ITGB3BP: variants seen among roughly 807,000 people sequenced by gnomAD.
The protein encoded by ITGB3BP is integrin subunit beta 3 binding protein.
Under a neutral mutation model 29.1 loss-of-function variants are expected in ITGB3BP, and 27 were observed. The ratio of observed to expected loss-of-function variants is 0.93; its 90% confidence interval spans 0.68 to 1.28. The LOEUF (loss-of-function observed/expected upper bound fraction) is 1.28, where lower values mean the gene tolerates loss of function less well. Ranked by LOEUF, ITGB3BP falls within the 50% of genes most tolerant of loss-of-function variation. The pLI is 0.00. For synonymous variants in ITGB3BP, 61 were observed against 61.4 expected (o/e 0.99, Z 0.03); for missense variants, 192 against 200.2 (o/e 0.96, Z 0.25).
intron 2 of ITGB3BP, among the ~76,000 whole-genome samples, chr1:63,496,492 AC>A (rs530164157): frequency 5.9e-4 from 90 of 152,166 alleles, no homozygotes; most frequent in African/African-American, 2.1e-3. Context: ...GTGAATTTTA[AC>A]TTTTTTCCTT....
rs531677461 is a variant in ITGB3BP, at chr1:63,513,739, T to C, written c.6-5169A>G. 1.1e-4 allele frequency among the ~76,000 whole-genome samples: 17 copies of C among 152,224 alleles called. 1 individual carries two copies. In the South Asian group the frequency reaches 3.1e-3, roughly 28 times the overall value. On this transcript the variant is annotated intron_variant, in intron 1 of 8. Coordinates refer to ENST00000271002, the MANE Select transcript of ITGB3BP (RefSeq NM_014288.5). ...AGTCAAGAAATTTGAAATTCCTCCATCCAAAGGTGAGAAACTGGCTCCCAT... is the reference window on the plus strand; with the variant it reads ...AGTCAAGAAATTTGAAATTCCTCCACCCAAAGGTGAGAAACTGGCTCCCAT...
chr1:63,492,154 C>T (rs1055529074), intron 2 of ITGB3BP, among the ~76,000 whole-genome samples: 1 of 151,474 alleles, frequency 6.6e-6, no homozygotes, highest in Non-Finnish European at 1.5e-5. Flanking sequence ...AATTTTCCAG[C>T]TTTCAGAAAA....
At chr1:63,501,447 G>A (rs538830764) in intron 2 of ITGB3BP, among the ~76,000 whole-genome samples, 6 of 152,312 alleles carry the variant, frequency 3.9e-5, no homozygotes, top group African/African-American at 7.2e-5. Context: ...GTGGTTTCCA[G>A]GGGGAGGGGG....
At chr1:63,509,081 T>C (rs1477129713) in intron 1 of ITGB3BP, among the ~76,000 whole-genome samples, 1 of 152,212 alleles carries the variant, frequency 6.6e-6, no homozygotes, top group Non-Finnish European at 1.5e-5. Context: ...AGACTATGAC[T>C]TAACTGAGGA....
chr1:63,453,159 T>C (rs369330282), intron 7 of ITGB3BP, among the ~76,000 whole-genome samples: 6 of 152,180 alleles, frequency 3.9e-5, no homozygotes, highest in African/African-American at 1.4e-4. Flanking sequence ...AGTGTAGCTA[T>C]CTTTCCACAT....
chr1:63,509,624 C>T (rs78449298), intron 1 of ITGB3BP, among the ~76,000 whole-genome samples: 5,638 of 152,174 alleles, frequency 0.037, 171 homozygotes, highest in Non-Finnish European at 0.058. Context: ...ATATACAGTA[C>T]AGAAATTTAA....
intron 2 of ITGB3BP, among the ~76,000 whole-genome samples, chr1:63,502,864 T>C (rs189385304): frequency 6.5e-4 from 99 of 152,256 alleles, no homozygotes; most frequent in African/African-American, 2.2e-3. Context: ...TATGGCTGCA[T>C]AGTATTCCAT....
chr1:63,503,909 A>ATTTCCTTCT (rs1557648465), intron 2 of ITGB3BP, among the ~76,000 whole-genome samples: 4 of 152,130 alleles, frequency 2.6e-5, no homozygotes, highest in African/African-American at 7.2e-5. Context: ...TGTTTTGGTT[A>ATTTCCTTCT]CTGTAGCCTT....
intron 7 of ITGB3BP, chr1:63,447,702 G>A (rs2100475297): frequency 4.4e-6 from 2 of 454,894 alleles, no homozygotes; most frequent in East Asian, 1.4e-4. Flanking sequence ...AGGATGTGGA[G>A]AAATAGGAAC....
intron 1 of ITGB3BP, among the ~76,000 whole-genome samples, chr1:63,519,169 T>C (rs1323953212): frequency 2.0e-5 from 3 of 152,272 alleles, no homozygotes; most frequent in Admixed American, 6.5e-5. Context: ...AAACCCATTG[T>C]AAATTGAAAA....
At chr1:63,487,479 C>G (rs892171155) in intron 3 of ITGB3BP, among the ~76,000 whole-genome samples, 3 of 152,044 alleles carry the variant, frequency 2.0e-5, no homozygotes, top group African/African-American at 7.2e-5. Flanking sequence ...AGAAATGCAT[C>G]ATGAGGTGAT....
chr1:63,454,465 C>T lies in ITGB3BP; in HGVS notation c.342G>A (p.Glu114=). The T allele has an allele frequency of 6.3e-7, 1 of 1,576,216 alleles. No homozygotes were observed. The highest frequency in any genetic ancestry group is 2.3e-5 in the East Asian group (1 of 44,056). The stretch of plus-strand genomic sequence containing the variant: ...TGAGATTTTCAAGCTCTCTACTGCC[C>T]TCCAAAGCCTACAAGAAAGTCATCT... ...MQNLSSIQAL[E]GSRELENLIG... is the part of the protein sequence containing the mutation. The change falls in exon 6 of 9, where the codon GAG becomes GAA. Residue 114 remains glutamate, a synonymous_variant. Coordinates refer to ENST00000271002, the MANE Select transcript of ITGB3BP (RefSeq NM_014288.5). The surrounding 1 kb of genome is among the most constrained non-coding windows in gnomAD (Gnocchi z 4.1).
intron 2 of ITGB3BP, among the ~76,000 whole-genome samples, chr1:63,501,065 T>C (rs1044991149): frequency 3.3e-5 from 5 of 152,220 alleles, no homozygotes; most frequent in Non-Finnish European, 5.9e-5. Flanking sequence ...AAGGAAAAAA[T>C]AGTCGTTTCA....
intron 1 of ITGB3BP, among the ~76,000 whole-genome samples, chr1:63,508,813 GCA>G (rs1476698717): frequency 1.3e-5 from 2 of 152,104 alleles, no homozygotes; most frequent in East Asian, 3.9e-4. Context: ...AAAAATATAT[GCA>G]GTTATATATA....
chr1:63,446,850 C>T lies in ITGB3BP; in HGVS notation c.491G>A (p.Arg164His), dbSNP rs776522942. ...KSTGLPHKASRHLDSYEFLKA... is the reference protein window; with the variant it reads ...KSTGLPHKASHHLDSYEFLKA... ...AAGGAATTCATAGCTGTCAAGATGA[C>T]GTGATGCTATATGAAAGAAGAAAGG... The change falls in exon 8 of 9, where the codon CGT becomes CAT. Residue 164 changes from arginine to histidine, a missense_variant. Transcript: ENST00000271002. 7.5e-6 allele frequency: 12 copies of T among 1,607,500 alleles called. No homozygotes were observed. In the East Asian group the frequency reaches 8.9e-5, roughly 12 times the overall value.
intron 1 of ITGB3BP, among the ~76,000 whole-genome samples, chr1:63,513,421 C>T (rs1646244095): frequency 6.6e-6 from 1 of 152,136 alleles, no homozygotes; most frequent in Admixed American, 6.5e-5. Flanking sequence ...ACCCATAACG[C>T]TTTGAGCACT....
chr1:63,511,945 A>G (rs1040330490), intron 1 of ITGB3BP, among the ~76,000 whole-genome samples: 1 of 152,154 alleles, frequency 6.6e-6, no homozygotes, highest in Admixed American at 6.5e-5. Flanking sequence ...AAATTTTGTT[A>G]TATATAATTT....
At chr1:63,457,927 G>A (rs1054199559) in intron 4 of ITGB3BP, 8 of 151,996 alleles carry the variant, frequency 5.3e-5, no homozygotes, top group South Asian at 2.1e-4. Flanking sequence ...CTTTTTCATC[G>A]TAGAGTAAAA....
At chr1:63,508,965 T>C (rs566135096) in intron 1 of ITGB3BP, among the ~76,000 whole-genome samples, 5 of 152,290 alleles carry the variant, frequency 3.3e-5, no homozygotes, top group African/African-American at 1.2e-4. Context: ...TCAGTGGAGA[T>C]GTTGAAAGTA....
Sources: gnomAD v4.1 joint callset for allele counts (sites outside exome capture counted in the v4.1 genomes callset) on GRCh38, gnomAD v4.1.1 for gene constraint, Gnocchi (gnomAD v3.1) non-coding constraint, MANE v1.5 for transcripts, NCBI Gene and HGNC (gene_info 2026-07-23, HGNC 2026-07-21) for gene names.